The following MECOM variants were observed in gnomAD, a reference collection of about 807,000 sequenced individuals.
The protein encoded by MECOM is histone-lysine N-methyltransferase MECOM.
Under a neutral mutation model 116.3 loss-of-function variants are expected in MECOM, and 13 were observed. The observed-to-expected ratio is 0.11, with a 90% CI of 0.07 to 0.18. MECOM has a LOEUF of 0.18. MECOM is among the 10% of genes least tolerant of loss of function. The pLI is 1.00. For missense variants in MECOM, 1,299 were observed against 1,509.0 expected, an observed-to-expected ratio of 0.86 and a Z score of 2.31; for synonymous variants, 528 against 535.2, an observed-to-expected ratio of 0.99 and a Z score of 0.19.
At chr3:169,384,971 G>A (rs1027738094) in intron 1 of MECOM, among the ~76,000 whole-genome samples, 1 of 151,894 alleles carries the variant, frequency 6.6e-6, no homozygotes, top group African/African-American at 2.4e-5. Flanking sequence ...GGGCATAGTG[G>A]TGCATGCCTG....
intron 1 of MECOM, among the ~76,000 whole-genome samples, chr3:169,534,978 GT>G (rs1759173091): frequency 6.6e-6 from 1 of 152,214 alleles, no homozygotes; most frequent in African/African-American, 2.4e-5. Flanking sequence ...GTTGTCCCCA[GT>G]TCTTTCCTTT....
At chr3:169,594,170 A>AAAAAAAAAAAAAAAACC (rs1553894632) in intron 1 of MECOM, among the ~76,000 whole-genome samples, 12 of 119,406 alleles carry the variant, frequency 1.0e-4, no homozygotes, top group African/African-American at 4.3e-4. Context: ...AAAAAAAAAA[A>AAAAAAAAAAAAAAAACC]AAAAAACACC....
intron 1 of MECOM, among the ~76,000 whole-genome samples, chr3:169,493,544 CAT>C (rs1336984721): frequency 2.0e-5 from 3 of 151,286 alleles, no homozygotes; most frequent in African/African-American, 7.3e-5. Context: ...GACATACAGA[CAT>C]ATGTATTTTT....
At chr3:169,126,052 T>C (rs1220473262) in intron 5 of MECOM, among the ~76,000 whole-genome samples, 1 of 152,154 alleles carries the variant, frequency 6.6e-6, no homozygotes, top group East Asian at 1.9e-4. Context: ...AATTGCATAG[T>C]GACATGCTTT....
At chr3:169,227,421 C>T (rs571915303) in intron 2 of MECOM, among the ~76,000 whole-genome samples, 11 of 152,240 alleles carry the variant, frequency 7.2e-5, no homozygotes, top group African/African-American at 2.6e-4. Flanking sequence ...ATTTTTCCTA[C>T]ACCAGAAATT....
chr3:169,448,390 A>G (rs543326676), intron 1 of MECOM, among the ~76,000 whole-genome samples: 7 of 152,308 alleles, frequency 4.6e-5, no homozygotes, highest in Admixed American at 4.6e-4. Context: ...GTGCCACACA[A>G]CAATCCTTCA....
At chr3:169,636,486 C>A (rs1320490829) in intron 1 of MECOM, among the ~76,000 whole-genome samples, 1 of 152,164 alleles carries the variant, frequency 6.6e-6, no homozygotes, top group South Asian at 2.1e-4. Flanking sequence ...TGACAAGAAG[C>A]AGCCCAGAAA....
At chr3:169,284,214 G>C (rs1238372497) in intron 2 of MECOM, among the ~76,000 whole-genome samples, 2 of 152,134 alleles carry the variant, frequency 1.3e-5, no homozygotes, top group African/African-American at 4.8e-5. Flanking sequence ...TACGACACAG[G>C]GAACTGCATT....
chr3:169,506,275 C>T (rs186692780), intron 1 of MECOM, among the ~76,000 whole-genome samples: 7 of 152,230 alleles, frequency 4.6e-5, no homozygotes, highest in Admixed American at 2.6e-4. Flanking sequence ...CTATTTAGTG[C>T]AGTCAGATTT....
chr3:169,663,705 A>C lies in MECOM; in HGVS notation c.-333T>G. 2.1e-5 allele frequency: 7 copies of C among 336,902 alleles called. No homozygotes were observed. The highest frequency in any genetic ancestry group is 2.7e-5 in the Non-Finnish European group (5 of 186,940). The allele number at this position is 336,902 out of a possible 1,614,324, so 20.9% of individuals were successfully genotyped here. ...CATGCGCGCTAGACGCCCCTCCAAC[A>C]TCTCAGCGCCGCCAAAAAAAGTTTG... On this transcript the variant is annotated 5_prime_UTR_variant, in exon 1 of 17. It removes an upstream start codon present in the reference 5' UTR. Coordinates refer to ENST00000651503, the MANE Select transcript of MECOM (RefSeq NM_004991.4).
At chr3:169,173,822 C>G (rs113007301) in intron 2 of MECOM, among the ~76,000 whole-genome samples, 2 of 152,214 alleles carry the variant, frequency 1.3e-5, no homozygotes, top group Non-Finnish European at 2.9e-5. Context: ...CCTACACTGA[C>G]GGGCTGAAGG....
chr3:169,183,757 T>TACACACAC (rs1746301748), intron 2 of MECOM, among the ~76,000 whole-genome samples: 3 of 84,578 alleles, frequency 3.5e-5, no homozygotes, highest in East Asian at 3.2e-4. Flanking sequence ...AGAAGATACA[T>TACACACAC]ACATACACAC....
chr3:169,343,742 C>T (rs747672945), intron 2 of MECOM, among the ~76,000 whole-genome samples: 19 of 151,994 alleles, frequency 1.3e-4, no homozygotes, highest in Non-Finnish European at 2.2e-4. Flanking sequence ...TATACACTGG[C>T]GCTCAACTCT....
chr3:169,570,601 G>A (rs1763775666), intron 1 of MECOM, among the ~76,000 whole-genome samples: 2 of 152,158 alleles, frequency 1.3e-5, no homozygotes, highest in South Asian at 4.2e-4. Context: ...TAAAATACTG[G>A]CAAACTGAAT....
chr3:169,098,520 A>G (rs34336083), intron 12 of MECOM, among the ~76,000 whole-genome samples: 37,777 of 152,074 alleles, frequency 0.25, 4,903 homozygotes, highest in Non-Finnish European at 0.28. Flanking sequence ...TGACATGTCT[A>G]ACTTCTGGCA....
intron 3 of MECOM, among the ~76,000 whole-genome samples, chr3:169,132,968 G>A (rs1470183958): frequency 6.6e-6 from 1 of 151,746 alleles, no homozygotes; most frequent in African/African-American, 2.4e-5. Context: ...TACTCTGGCT[G>A]GTCTCGAACT....
chr3:169,283,465 G>T (rs1418517262), intron 2 of MECOM, among the ~76,000 whole-genome samples: 1 of 151,770 alleles, frequency 6.6e-6, no homozygotes, highest in Non-Finnish European at 1.5e-5. Context: ...TAGCTTGCTT[G>T]CCAGGAAAAA....
At chr3:169,359,951 A>G (rs999019428) in intron 2 of MECOM, among the ~76,000 whole-genome samples, 21 of 151,740 alleles carry the variant, frequency 1.4e-4, no homozygotes, top group African/African-American at 5.1e-4. Flanking sequence ...GCTAGCAGAC[A>G]TTAACATTCA....
intron 1 of MECOM, among the ~76,000 whole-genome samples, chr3:169,475,180 C>T (rs1170069575): frequency 6.6e-6 from 1 of 152,114 alleles, no homozygotes; most frequent in East Asian, 1.9e-4. Context: ...GCATATAATT[C>T]TATAGGGGAA....
Sources: gnomAD v4.1 joint callset for allele counts (sites outside exome capture counted in the v4.1 genomes callset) on GRCh38, gnomAD v4.1.1 for gene constraint, MANE v1.5 for transcripts, NCBI Gene and HGNC (gene_info 2026-07-23, HGNC 2026-07-21) for gene names.